Variants in CNTN6 observed in about 807,000 individuals in gnomAD.
CNTN6 encodes the protein contactin-6.
In CNTN6, 137 loss-of-function variants were observed where a neutral mutation model predicts 122.8. The observed-to-expected ratio is 1.12, with a 90% CI of 0.97 to 1.29. The LOEUF (loss-of-function observed/expected upper bound fraction) is 1.29. Ranked by LOEUF, CNTN6 falls within the 50% of genes most tolerant of loss-of-function variation. The pLI, the probability that CNTN6 is intolerant of heterozygous loss-of-function variation, is 0.00. For missense variants in CNTN6, 1,634 were observed against 1,223.4 expected (o/e 1.34, Z -5.01); for synonymous variants, 570 against 426.0 (o/e 1.34, Z -4.16).
intron 2 of CNTN6, among the ~76,000 whole-genome samples, chr3:1,150,912 G>A (rs2092827636): frequency 2.0e-5 from 3 of 152,130 alleles, no homozygotes; most frequent in Non-Finnish European, 1.5e-5. Flanking sequence ...AGAGGGAGAC[G>A]TGAAGATGCT....
At chr3:1,357,742 G>C (rs1706803207) in intron 12 of CNTN6, among the ~76,000 whole-genome samples, 1 of 151,724 alleles carries the variant, frequency 6.6e-6, no homozygotes, top group African/African-American at 2.4e-5. Flanking sequence ...AAATACCGCA[G>C]CCTTCATTCA....
intron 5 of CNTN6, among the ~76,000 whole-genome samples, chr3:1,293,034 G>T (rs189228618): frequency 3.9e-5 from 6 of 151,996 alleles, no homozygotes; most frequent in South Asian, 2.1e-4. Flanking sequence ...CACTTCATGC[G>T]CAAGTAGCAT....
chr3:1,388,431 C>T (rs1409918980), intron 20 of CNTN6, among the ~76,000 whole-genome samples: 1 of 151,204 alleles, frequency 6.6e-6, no homozygotes, highest in African/African-American at 2.4e-5. Context: ...TCATCAAAGA[C>T]CAAAAGTAGA....
At chr3:1,125,554 A>G (rs2092130079) in intron 1 of CNTN6, among the ~76,000 whole-genome samples, 1 of 151,886 alleles carries the variant, frequency 6.6e-6, no homozygotes, top group South Asian at 2.1e-4. Flanking sequence ...AAACCAGGTC[A>G]GAATAAAAAT....
intron 10 of CNTN6, among the ~76,000 whole-genome samples, chr3:1,328,432 C>T (rs572485000): frequency 6.6e-6 from 1 of 151,722 alleles, no homozygotes; most frequent in Non-Finnish European, 1.5e-5. Flanking sequence ...GTTTTATGAG[C>T]TTATGGGTGA....
intron 11 of CNTN6, among the ~76,000 whole-genome samples, chr3:1,348,920 T>C (rs536819922): frequency 9.2e-5 from 14 of 152,128 alleles, no homozygotes; most frequent in African/African-American, 3.4e-4. Context: ...CCCTATAATA[T>C]GTCATAGCCT....
In CNTN6 at chr3:1,388,313, A is replaced by T. The variant is rs1225676471; in HGVS notation, c.2704+2516A>T. Among the ~76,000 whole-genome samples, 8 of 146,942 alleles carry T rather than the reference A, an allele frequency of 5.4e-5. 1 individual carries two copies. The East Asian group carries it at 9.9e-4, about 18-fold the overall frequency. ...CCCAGCAGGGGCACACTGACACCTC[A>T]CACGGCAGGGTATGCCAACAGACCT... On this transcript the variant is annotated intron_variant, in intron 20 of 22. Coordinates refer to ENST00000446702, the MANE Select transcript of CNTN6 (RefSeq NM_001289080.2).
intron 2 of CNTN6, among the ~76,000 whole-genome samples, chr3:1,151,193 A>C (rs1290225417): frequency 5.9e-5 from 9 of 152,200 alleles, no homozygotes; most frequent in Non-Finnish European, 1.2e-4. Flanking sequence ...CTTCCTCACT[A>C]TGCTTTAAGC....
In CNTN6 at chr3:1,158,921, T is replaced by C. The variant is rs947330914; in HGVS notation, c.55+10858T>C. ...ATATACACATATATATACACACACATATATATATATACACACACACATATA... is the reference window on the plus strand; with the variant it reads ...ATATACACATATATATACACACACACATATATATATACACACACACATATA... On this transcript the variant is annotated intron_variant, in intron 2 of 22. Transcript: ENST00000446702. Among the ~76,000 whole-genome samples the C allele has an allele frequency of 3.0e-4, 32 of 104,960 alleles. 1 individual carries two copies. Among genetic ancestry groups the C allele is most frequent in the East Asian group, 2.3e-3 (6 of 2,572 alleles). 68.9% of individuals were successfully genotyped at this position (104,960 alleles called of 152,430 possible).
chr3:1,190,310 CG>C (rs2093683548), intron 2 of CNTN6, among the ~76,000 whole-genome samples: 1 of 152,144 alleles, frequency 6.6e-6, no homozygotes, highest in African/African-American at 2.4e-5. Context: ...ACCGTCACAT[CG>C]GGGGTTAGGA....
intron 2 of CNTN6, among the ~76,000 whole-genome samples, chr3:1,194,613 T>C (rs1036187806): frequency 1.3e-5 from 2 of 152,246 alleles, no homozygotes; most frequent in Admixed American, 6.5e-5. Flanking sequence ...CACCCTCCTC[T>C]CCTCACAAAG....
intron 4 of CNTN6, among the ~76,000 whole-genome samples, chr3:1,264,548 C>A (rs566550390): frequency 6.6e-6 from 1 of 151,912 alleles, no homozygotes; most frequent in East Asian, 1.9e-4. Flanking sequence ...CCAGCTTCAT[C>A]TGTATTTTTA....
chr3:1,338,002 T>C (rs1703318870), intron 11 of CNTN6, among the ~76,000 whole-genome samples: 1 of 152,044 alleles, frequency 6.6e-6, no homozygotes, highest in Admixed American at 6.6e-5. Context: ...AAAGCTCCGG[T>C]TCATTAAAGT....
At chr3:1,303,739 C>CTAT (rs1226351420) in intron 7 of CNTN6, among the ~76,000 whole-genome samples, 20 of 152,162 alleles carry the variant, frequency 1.3e-4, no homozygotes, top group African/African-American at 4.8e-4. Context: ...GAATAGTAGA[C>CTAT]ACCATAAATG....
At chr3:1,242,436 G>A (rs1418369673) in intron 4 of CNTN6, among the ~76,000 whole-genome samples, 2 of 152,076 alleles carry the variant, frequency 1.3e-5, no homozygotes, top group African/African-American at 4.8e-5. Flanking sequence ...TCCGGTTTTT[G>A]GACAGGTAAA....
intron 3 of CNTN6, 56 bp downstream of exon 3, chr3:1,220,869 C>T (rs2094198761): frequency 6.6e-7 from 1 of 1,515,868 alleles, no homozygotes; most frequent in East Asian, 2.3e-5. Context: ...TGAACCAAAA[C>T]ATACACAAAA....
At chr3:1,249,936 TG>T (rs1357779307) in intron 4 of CNTN6, among the ~76,000 whole-genome samples, 2 of 152,176 alleles carry the variant, frequency 1.3e-5, no homozygotes, top group African/African-American at 2.4e-5. Flanking sequence ...GTTTCTGTTT[TG>T]TTTTTTTGTT....
At chr3:1,254,181 C>T (rs2094716522) in intron 4 of CNTN6, among the ~76,000 whole-genome samples, 1 of 152,224 alleles carries the variant, frequency 6.6e-6, no homozygotes, top group Admixed American at 6.5e-5. Flanking sequence ...CAATTTTCAT[C>T]TCGTGCTTTC....
In CNTN6 at chr3:1,210,786, C is replaced by T. The variant is rs566900512; in HGVS notation, c.56-9901C>T. Among the ~76,000 whole-genome samples, 3 of 152,202 alleles carry T rather than the reference C, an allele frequency of 2.0e-5. No homozygotes were observed. In the East Asian group the frequency reaches 5.8e-4, roughly 29 times the overall value. On this transcript the variant is annotated intron_variant, in intron 2 of 22. Coordinates refer to ENST00000446702, the MANE Select transcript of CNTN6 (RefSeq NM_001289080.2). Reference sequence around the variant, plus strand: ...CCAGTACAAAAGGAACATGTGAGCCCCTTGTTCAAAAGGCAGAAAAAAATT... The same window carrying T: ...CCAGTACAAAAGGAACATGTGAGCCTCTTGTTCAAAAGGCAGAAAAAAATT...
Sources: gnomAD v4.1 joint callset for allele counts (sites outside exome capture counted in the v4.1 genomes callset) on GRCh38, gnomAD v4.1.1 for gene constraint, MANE v1.5 for transcripts, NCBI Gene and HGNC (gene_info 2026-07-23, HGNC 2026-07-21) for gene names.